The following FAM193A variants were observed in gnomAD, a reference collection of about 807,000 sequenced individuals.
The protein encoded by FAM193A is family with sequence similarity 193 member A.
Under a neutral mutation model 126.5 loss-of-function variants are expected in FAM193A, and 22 were observed. That is an observed-to-expected ratio of 0.17 (90% CI 0.12 to 0.25). The LOEUF (loss-of-function observed/expected upper bound fraction) is 0.25. Among genes scored for constraint, FAM193A ranks in the 10% least tolerant of loss-of-function variants. The pLI is 1.00. For synonymous variants in FAM193A, 761 were observed against 646.8 expected (o/e 1.18, Z -2.68); for missense variants, 1,675 against 1,672.8 (o/e 1.00, Z -0.02).
At chr4:2,561,637 C>T (rs1351202326) in intron 1 of FAM193A, among the ~76,000 whole-genome samples, 1 of 151,746 alleles carries the variant, frequency 6.6e-6, no homozygotes, top group Non-Finnish European at 1.5e-5. Flanking sequence ...GCTGGGATTA[C>T]AGCTGCTTGT....
intron 20 of FAM193A, among the ~76,000 whole-genome samples, chr4:2,726,104 T>G (rs1200661536): frequency 6.6e-6 from 1 of 152,092 alleles, no homozygotes; most frequent in Non-Finnish European, 1.5e-5. Flanking sequence ...TTTCACCGTG[T>G]TAGCCAGGAT....
chr4:2,611,591 A>T (rs1741878756), intron 2 of FAM193A, among the ~76,000 whole-genome samples: 4 of 151,914 alleles, frequency 2.6e-5, no homozygotes, highest in Admixed American at 2.0e-4. Flanking sequence ...CATTTTCTTA[A>T]CGACTTGTTG....
chr4:2,627,253 C>T (rs1429658148), intron 4 of FAM193A, among the ~76,000 whole-genome samples: 3 of 151,454 alleles, frequency 2.0e-5, no homozygotes, highest in South Asian at 2.1e-4. Context: ...CCCTGCCTCC[C>T]GCATTCAAGC....
Position 2,703,315 on chromosome 4 carries a change from C to T in FAM193A, c.4372+2771C>T, listed in dbSNP as rs188681024. Reference sequence around the variant, plus strand: ...AGGCTGGAGTGCAATGGCGCAATCTCGGCTCACTGCATCCTCCACCCCCCA... The same window carrying T: ...AGGCTGGAGTGCAATGGCGCAATCTTGGCTCACTGCATCCTCCACCCCCCA... On this transcript the variant is annotated intron_variant, in intron 19 of 20. Transcript: ENST00000637812. Among the ~76,000 whole-genome samples, 937 of 152,266 alleles carry T rather than the reference C, an allele frequency of 6.2e-3. 9 individuals carry two copies. Among genetic ancestry groups the T allele is most frequent in the South Asian group, 0.016 (79 of 4,824 alleles).
At chr4:2,714,649 C>T (rs1055494940) in intron 19 of FAM193A, among the ~76,000 whole-genome samples, 1 of 152,130 alleles carries the variant, frequency 6.6e-6, no homozygotes, top group African/African-American at 2.4e-5. Flanking sequence ...TGTGAACAAA[C>T]ACACTTGAAA....
In FAM193A at chr4:2,694,974, G is replaced by C; in HGVS notation, c.3121G>C (p.Glu1041Gln). 6.2e-7 allele frequency: 1 copy of C among 1,603,772 alleles called. No homozygotes were observed. The highest frequency in any genetic ancestry group is 8.5e-7 in the Non-Finnish European group (1 of 1,175,778). Residue 1041 changes from glutamate to glutamine, a missense_variant, in exon 17 of 21, where the codon GAG (glutamate) becomes CAG (glutamine). Glu to Gln is a conservative substitution (Grantham distance 29). Coordinates refer to ENST00000637812, the MANE Select transcript of FAM193A (RefSeq NM_001366318.2). ...SDPDCEGHRC[E>Q]NGVYDPQQDD... ...CCCTGACTGCGAAGGGCACCGCTGC[G>C]AGAATGGTGTCTACGACCCACAGCA...
intron 2 of FAM193A, chr4:2,615,143 G>A (rs1211081170): frequency 6.6e-6 from 1 of 152,114 alleles, no homozygotes; most frequent in Non-Finnish European, 1.5e-5. Context: ...GTCAAACAAA[G>A]CAGTGGGAGT....
intron 2 of FAM193A, among the ~76,000 whole-genome samples, chr4:2,621,195 C>T (rs138382402): frequency 6.6e-6 from 1 of 152,248 alleles, no homozygotes; most frequent in Non-Finnish European, 1.5e-5. Flanking sequence ...CTTCACCGTC[C>T]CTGTAGTACC....
intron 12 of FAM193A, 136 bp downstream of exon 12, chr4:2,663,424 A>G (rs1220505756): frequency 1.4e-5 from 9 of 621,852 alleles, no homozygotes; most frequent in Non-Finnish European, 2.3e-5. Flanking sequence ...GTCAAGGCAT[A>G]CTTACAATCT....
At chr4:2,543,768 G>T (rs1310177188) in intron 1 of FAM193A, among the ~76,000 whole-genome samples, 1 of 143,774 alleles carries the variant, frequency 7.0e-6, no homozygotes, top group Non-Finnish European at 1.5e-5. Context: ...TGAGACATGA[G>T]AATCGCCTGA....
intron 19 of FAM193A, among the ~76,000 whole-genome samples, chr4:2,703,001 G>T (rs1197314690): frequency 6.6e-6 from 1 of 151,910 alleles, no homozygotes; most frequent in Admixed American, 6.6e-5. Context: ...CCCACTCCCT[G>T]TAGGTAACTA....
chr4:2,556,175 C>T (rs1363657062), intron 1 of FAM193A, among the ~76,000 whole-genome samples: 2 of 152,018 alleles, frequency 1.3e-5, no homozygotes, highest in South Asian at 2.1e-4. Flanking sequence ...GGATTACAGG[C>T]ATGAGCCACT....
chr4:2,592,928 T>C (rs1740651246), intron 1 of FAM193A, among the ~76,000 whole-genome samples: 2 of 152,064 alleles, frequency 1.3e-5, no homozygotes, highest in Admixed American at 6.5e-5. Flanking sequence ...CCACCAGCCA[T>C]TGTGGGAAAA....
At chr4:2,714,719 C>T (rs1347042292) in intron 19 of FAM193A, among the ~76,000 whole-genome samples, 3 of 152,274 alleles carry the variant, frequency 2.0e-5, no homozygotes, top group Non-Finnish European at 2.9e-5. Context: ...GCGAGTAAAA[C>T]GTGCCTCATG....
At chr4:2,549,004 T>G (rs1293249720) in intron 1 of FAM193A, among the ~76,000 whole-genome samples, 2 of 151,730 alleles carry the variant, frequency 1.3e-5, no homozygotes, top group Non-Finnish European at 2.9e-5. Flanking sequence ...AGTGGTGTGA[T>G]CTCGACTCAC....
chr4:2,578,897 G>A (rs1560456670), intron 1 of FAM193A, among the ~76,000 whole-genome samples: 1 of 152,080 alleles, frequency 6.6e-6, no homozygotes, highest in Admixed American at 6.6e-5. Flanking sequence ...GGAGGCGGAA[G>A]AGGAGAGGTT....
chr4:2,577,214 T>A (rs185242305), intron 1 of FAM193A, among the ~76,000 whole-genome samples: 17 of 152,210 alleles, frequency 1.1e-4, no homozygotes, highest in African/African-American at 4.1e-4. Flanking sequence ...TATCATACCT[T>A]ATAAGATATT....
Position 2,651,106 on chromosome 4 carries a change from G to A in FAM193A, c.1311+4274G>A, listed in dbSNP as rs147950330. Among the ~76,000 whole-genome samples, 450 of 152,266 alleles carry A rather than the reference G, an allele frequency of 3.0e-3. 1 individual carries two copies. The highest frequency in any genetic ancestry group is 4.9e-3 in the Non-Finnish European group (333 of 68,006). Reference sequence around the variant, plus strand: ...AGCACTTAGGGAGGCCAAGGTGGGCGGATCACCTGAGGTCGGGAGTTCAAG... The same window carrying A: ...AGCACTTAGGGAGGCCAAGGTGGGCAGATCACCTGAGGTCGGGAGTTCAAG... On this transcript the variant is annotated intron_variant, in intron 7 of 20. Coordinates refer to ENST00000637812, the MANE Select transcript of FAM193A (RefSeq NM_001366318.2).
chr4:2,637,255 A>C (rs578056041), intron 5 of FAM193A, among the ~76,000 whole-genome samples: 5 of 152,324 alleles, frequency 3.3e-5, no homozygotes, highest in African/African-American at 1.2e-4. Context: ...TGAGCCTGGG[A>C]GGCGGAGGTT....
Sources: allele counts gnomAD v4.1 joint callset (sites outside exome capture counted in the v4.1 genomes callset), GRCh38; gene constraint gnomAD v4.1.1; transcripts MANE v1.5; gene names NCBI Gene and HGNC (gene_info 2026-07-23, HGNC 2026-07-21).